Variants in UPF2 observed in about 807,000 individuals in gnomAD.
UPF2 encodes regulator of nonsense transcripts 2.
In UPF2, 17 loss-of-function variants were observed where a neutral mutation model predicts 141.4. The observed-to-expected ratio is 0.12, with a 90% confidence interval of 0.08 to 0.18. The LOEUF is 0.18. Among genes scored for constraint, UPF2 ranks in the 10% least tolerant of loss-of-function variants. UPF2 has a pLI of 1.00. For synonymous variants in UPF2, 540 were observed against 498.0 expected, an observed-to-expected ratio of 1.08 and a Z score of -1.12; for missense variants, 1,152 against 1,515.9, an observed-to-expected ratio of 0.76 and a Z score of 3.99.
At chr10:11,938,853 G>GTTTTTTGTTTTTTTTT (rs1832889993) in intron 18 of UPF2, among the ~76,000 whole-genome samples, 1 of 79,816 alleles carries the variant, frequency 1.3e-5, no homozygotes, top group South Asian at 3.9e-4. Context: ...TTTTTTTTTT[G>GTTTTTTGTTTTTTTTT]TTTTTTTTTT....
chr10:11,996,731 C>T (rs1172049288), intron 8 of UPF2, among the ~76,000 whole-genome samples: 2 of 152,210 alleles, frequency 1.3e-5, no homozygotes, highest in Non-Finnish European at 2.9e-5. Context: ...ACTACATTAA[C>T]ACATTCCCTC....
chr10:12,034,501 A>G (rs185733609), intron 2 of UPF2, among the ~76,000 whole-genome samples: 11 of 151,980 alleles, frequency 7.2e-5, no homozygotes, highest in Non-Finnish European at 1.2e-4. Flanking sequence ...TTTGTATGAA[A>G]AAAAGTCTTT....
At chr10:12,040,143 G>A (rs1472075531) in intron 1 of UPF2, among the ~76,000 whole-genome samples, 2 of 152,090 alleles carry the variant, frequency 1.3e-5, no homozygotes, top group African/African-American at 2.4e-5. Flanking sequence ...ACTCGGGGCT[G>A]GGCATGGTGG....
At position 11,998,345 on chromosome 10, in the gene UPF2, T is replaced by G. The variant is rs140051392; in HGVS notation, c.1759-588A>C. ...TGTCTTCAATCCCCTGTCTAAAATTTCATAAAACAGGGAATTTATCTAGAT... is the reference window on the plus strand; with the variant it reads ...TGTCTTCAATCCCCTGTCTAAAATTGCATAAAACAGGGAATTTATCTAGAT... On this transcript the variant is annotated intron_variant, in intron 7 of 21. Transcript: ENST00000357604. The surrounding 1 kb of genome is among the most constrained non-coding windows in gnomAD (Gnocchi z 4.5). Among the ~76,000 whole-genome samples, 1 of 152,226 alleles carries G rather than the reference T, an allele frequency of 6.6e-6. No individual in the cohort carries two copies. The highest frequency in any genetic ancestry group is 2.4e-5 in the African/African-American group (1 of 41,558).
At chr10:12,028,651 T>C in intron 3 of UPF2, 94 bp downstream of exon 3, 1 of 1,337,668 alleles carries the variant, frequency 7.5e-7, no homozygotes, top group South Asian at 1.5e-5. Context: ...GGAGCCCTTT[T>C]CCATAAGTTC....
At chr10:11,990,823 C>T (rs368890545) in intron 8 of UPF2, among the ~76,000 whole-genome samples, 1 of 151,740 alleles carries the variant, frequency 6.6e-6, no homozygotes, top group Admixed American at 6.6e-5. Context: ...CCTGTCTCTA[C>T]TAAAAATACA....
rs561175669 is a variant in UPF2 at position 11,992,454 on chromosome 10, C to T, written c.1844+5218G>A. Among the ~76,000 whole-genome samples the T allele has an allele frequency of 4.6e-4, 70 of 152,152 alleles. No individual in the cohort carries two copies. Among genetic ancestry groups the T allele is most frequent in the Non-Finnish European group, 8.2e-4 (56 of 67,986 alleles). On this transcript the variant is annotated intron_variant, in intron 8 of 21. Coordinates refer to ENST00000357604, the MANE Select transcript of UPF2 (RefSeq NM_015542.4). This position sits in a 1 kb window ranked among gnomAD's most constrained non-coding sequence, Gnocchi z 4.1. ...AGAAGACACCACAAACTAATCTTAC[C>T]ACTGCTCATGGTAGAAAACAACAGA...
rs1033315613 is a variant in UPF2, at chr10:12,042,592, G to A, written c.-19+163C>T. ...CGGAGACAGGGGGTCTGAGGAGAAC[G>A]ACGCCGGACCCGCGGTCCCTCCACT... is the stretch of plus-strand genomic sequence containing the variant. On this transcript the variant is annotated intron_variant, in intron 1 of 21. Transcript: ENST00000357604. This position sits in a 1 kb window ranked among gnomAD's most constrained non-coding sequence, Gnocchi z 5.5. 2.0e-5 allele frequency among the ~76,000 whole-genome samples: 3 copies of A among 152,144 alleles called. No homozygotes were observed. Among genetic ancestry groups the A allele is most frequent in the Non-Finnish European group, 2.9e-5 (2 of 68,026 alleles).
chr10:11,925,800 A>C (rs568387844), intron 21 of UPF2, among the ~76,000 whole-genome samples: 1 of 152,376 alleles, frequency 6.6e-6, no homozygotes, highest in South Asian at 2.1e-4. Context: ...AGGCTGCAGC[A>C]GGAGAAAGAA....
intron 8 of UPF2, among the ~76,000 whole-genome samples, chr10:11,997,052 T>G (rs531678502): frequency 6.6e-6 from 1 of 152,344 alleles, no homozygotes; most frequent in Admixed American, 6.5e-5. Context: ...GATTCTAAGG[T>G]CAACAGTCTA....
intron 4 of UPF2, among the ~76,000 whole-genome samples, chr10:12,006,389 A>G (rs1235667806): frequency 6.6e-6 from 1 of 152,158 alleles, no homozygotes; most frequent in Non-Finnish European, 1.5e-5. Flanking sequence ...GAACTTATCT[A>G]CTCTCACATA....
intron 9 of UPF2, among the ~76,000 whole-genome samples, 188 bp downstream of exon 9, chr10:11,978,869 A>AAT (rs1833549554): frequency 6.6e-6 from 1 of 152,218 alleles, no homozygotes; most frequent in African/African-American, 2.4e-5. Context: ...TCCCAACCAG[A>AAT]ATATCACTGA....
chr10:12,007,872 T>TAATA, intron 4 of UPF2, among the ~76,000 whole-genome samples: 1 of 110,882 alleles, frequency 9.0e-6, no homozygotes. Flanking sequence ...TAATAATAAT[T>TAATA]TCCTTAATAT....
intron 9 of UPF2, among the ~76,000 whole-genome samples, chr10:11,975,763 C>T (rs565160703): frequency 4.3e-4 from 66 of 152,044 alleles, no homozygotes; most frequent in Admixed American, 1.2e-3. Context: ...GTAATCCACC[C>T]GCCTTGGCCT....
intron 12 of UPF2, among the ~76,000 whole-genome samples, chr10:11,958,701 C>G (rs1415429611): frequency 3.9e-5 from 6 of 152,172 alleles, no homozygotes; most frequent in Admixed American, 6.5e-5. Context: ...TGATTCTTTA[C>G]CTTCACTGGA....
intron 11 of UPF2, among the ~76,000 whole-genome samples, chr10:11,960,501 G>A (rs117952284): frequency 0.026 from 3,990 of 152,200 alleles, 70 homozygotes; most frequent in Non-Finnish European, 0.04. Context: ...CCAGAAGCTC[G>A]AGGCTACAGT....
chr10:11,966,807 C>A (rs146499221), intron 10 of UPF2, among the ~76,000 whole-genome samples: 4 of 152,176 alleles, frequency 2.6e-5, no homozygotes, highest in Admixed American at 2.6e-4. Flanking sequence ...GTGAACTCAC[C>A]GGTAGCCAAC....
At chr10:11,981,308 T>G (rs1833589430) in intron 8 of UPF2, among the ~76,000 whole-genome samples, 1 of 152,232 alleles carries the variant, frequency 6.6e-6, no homozygotes. Context: ...TAGTTTTTAC[T>G]AATGTGCTGG....
In UPF2 at chr10:12,000,587, C is replaced by T. The variant is rs540999142; in HGVS notation, c.1655-578G>A. Among the ~76,000 whole-genome samples, 4 of 152,100 alleles carry T rather than the reference C, an allele frequency of 2.6e-5. No homozygotes were observed. In the South Asian group the frequency reaches 8.3e-4, roughly 32 times the overall value. On this transcript the variant is annotated intron_variant, in intron 6 of 21. Coordinates refer to ENST00000357604, the MANE Select transcript of UPF2 (RefSeq NM_015542.4). ...TTGAGGCCAGGAGTCCAAGACCAGT[C>T]TGGGTAACATAACAAGACCCTGTCT...
Sources: allele counts gnomAD v4.1 joint callset (sites outside exome capture counted in the v4.1 genomes callset), GRCh38; gene constraint gnomAD v4.1.1; non-coding constraint Gnocchi (gnomAD v3.1); transcripts MANE v1.5; gene names NCBI Gene and HGNC (gene_info 2026-07-23, HGNC 2026-07-21).